The following NALCN variants were observed in gnomAD, a reference collection of about 807,000 sequenced individuals.
NALCN encodes the protein sodium leak channel, non-selective, also known as sodium leak channel NALCN.
NALCN carries 111 observed loss-of-function variants against 225.3 expected under a neutral mutation model. The observed-to-expected ratio is 0.49, with a 90% CI of 0.42 to 0.58. The LOEUF is 0.58. Among genes scored for constraint, NALCN ranks in the 20% least tolerant of loss-of-function variants. The pLI, the probability that NALCN is intolerant of heterozygous loss-of-function variation, is 0.00. For missense variants in NALCN, 1,378 were observed against 2,202.4 expected (o/e 0.63, Z 7.49); for synonymous variants, 764 against 769.0 (o/e 0.99, Z 0.11).
At chr13:101,394,410 A>T (rs1199572536) in intron 3 of NALCN, among the ~76,000 whole-genome samples, 1 of 152,214 alleles carries the variant, frequency 6.6e-6, no homozygotes, top group Non-Finnish European at 1.5e-5. Flanking sequence ...TGATACAACC[A>T]GTAAGTGAAA....
At chr13:101,107,632 G>C in intron 21 of NALCN, 23 bp from the exon 22 acceptor site, 1 of 1,614,064 alleles carries the variant, frequency 6.2e-7, no homozygotes, top group Non-Finnish European at 8.5e-7. Flanking sequence ...ATTCATGGGA[G>C]AATGAGGCTA....
intron 17 of NALCN, among the ~76,000 whole-genome samples, chr13:101,125,871 C>T (rs1020083098): frequency 6.6e-6 from 1 of 152,192 alleles, no homozygotes; most frequent in Non-Finnish European, 1.5e-5. Flanking sequence ...TGTATAAGTG[C>T]TGTGCTAGCC....
At chr13:101,067,807 A>G in intron 39 of NALCN, 111 bp downstream of exon 39, 2 of 760,496 alleles carry the variant, frequency 2.6e-6, no homozygotes, top group South Asian at 1.6e-5. Context: ...GCAATTCACC[A>G]TTTAAAAATT....
chr13:101,240,934 T>A (rs184301865), intron 11 of NALCN, among the ~76,000 whole-genome samples: 19 of 152,358 alleles, frequency 1.2e-4, no homozygotes, highest in African/African-American at 4.3e-4. Context: ...TCACAGTTAC[T>A]GTTTTATGTG....
intron 10 of NALCN, among the ~76,000 whole-genome samples, chr13:101,268,109 G>A (rs866720698): frequency 6.6e-4 from 101 of 152,138 alleles, no homozygotes; most frequent in African/African-American, 2.2e-3. Flanking sequence ...TTGGATGGAG[G>A]CATCAAAAAT....
At chr13:101,302,518 G>A (rs956002603) in intron 7 of NALCN, among the ~76,000 whole-genome samples, 14 of 152,030 alleles carry the variant, frequency 9.2e-5, no homozygotes, top group African/African-American at 3.4e-4. Context: ...AAATAAATGT[G>A]AGATAAGAAA....
chr13:101,252,318 A>G (rs2042085858), intron 11 of NALCN, among the ~76,000 whole-genome samples: 2 of 152,332 alleles, frequency 1.3e-5, no homozygotes, highest in Non-Finnish European at 2.9e-5. Flanking sequence ...TTTTATATCC[A>G]TGTGAAATCT....
chr13:101,250,327 T>G (rs1437787633), intron 11 of NALCN, among the ~76,000 whole-genome samples: 2 of 151,980 alleles, frequency 1.3e-5, no homozygotes, highest in Non-Finnish European at 2.9e-5. Context: ...AAAACAAATC[T>G]GAAGAAGAAT....
At chr13:101,173,224 C>G (rs79402280) in intron 15 of NALCN, among the ~76,000 whole-genome samples, 1 of 152,208 alleles carries the variant, frequency 6.6e-6, no homozygotes. Flanking sequence ...GTCCTTCATT[C>G]TAACAGTTAC....
chr13:101,320,199 G>A (rs1488448987), intron 7 of NALCN, among the ~76,000 whole-genome samples: 2 of 152,178 alleles, frequency 1.3e-5, no homozygotes, highest in East Asian at 3.8e-4. Context: ...AGTCTTACAC[G>A]TATGCGACAA....
intron 7 of NALCN, among the ~76,000 whole-genome samples, chr13:101,311,574 T>G (rs1157394322): frequency 1.3e-5 from 2 of 152,044 alleles, no homozygotes; most frequent in Non-Finnish European, 2.9e-5. Context: ...CATGAAGGGC[T>G]GTTGAATTTT....
intron 22 of NALCN, among the ~76,000 whole-genome samples, chr13:101,106,268 TTCC>T (rs2035094122): frequency 6.6e-6 from 1 of 152,200 alleles, no homozygotes; most frequent in Admixed American, 6.5e-5. Context: ...CTGTTTAAAA[TTCC>T]TATTTCCAAA....
At chr13:101,284,628 T>C (rs1470730041) in intron 9 of NALCN, among the ~76,000 whole-genome samples, 1 of 152,206 alleles carries the variant, frequency 6.6e-6, no homozygotes, top group African/African-American at 2.4e-5. Context: ...TGTGTAATTA[T>C]TTTAACTAGG....
Position 101,153,586 on chromosome 13 carries a change from A to G in NALCN, c.1840-8690T>C, listed in dbSNP as rs74116705. On this transcript the variant is annotated intron_variant, in intron 15 of 43. Coordinates refer to ENST00000251127, the MANE Select transcript of NALCN (RefSeq NM_052867.4). ...TCAAAGAGATGCTTACAGCACCATT[A>G]TATCGCTTCCCACCCCTCTTCCAGC... Among the ~76,000 whole-genome samples the G allele has an allele frequency of 8.6e-3, 1,302 of 152,266 alleles. 18 individuals are homozygous for G. Among genetic ancestry groups the G allele is most frequent in the African/African-American group, 0.03 (1,243 of 41,548 alleles).
intron 7 of NALCN, among the ~76,000 whole-genome samples, chr13:101,295,992 C>A (rs2043739476): frequency 6.6e-6 from 1 of 152,220 alleles, no homozygotes; most frequent in African/African-American, 2.4e-5. Context: ...ACTGAAACTT[C>A]TTTTGCACAG....
chr13:101,368,542 T>G (rs1186557420), intron 6 of NALCN: 1 of 152,156 alleles, frequency 6.6e-6, no homozygotes, highest in East Asian at 1.9e-4. Flanking sequence ...GTTTAAAAAT[T>G]TTCAAATCAA....
chr13:101,251,584 T>C (rs2042064697), intron 11 of NALCN, among the ~76,000 whole-genome samples: 1 of 151,976 alleles, frequency 6.6e-6, no homozygotes, highest in Non-Finnish European at 1.5e-5. Context: ...ACTTTCTAAT[T>C]AAGAAGGAAA....
rs368331200 is a variant in NALCN, at chr13:101,055,283, A to C, written c.*12T>G. ...TTTCCACCACTAGAAATTCATCTAC[A>C]TTGACATCCACCTAAATATCCAGAA... On this transcript the variant is annotated 3_prime_UTR_variant, in exon 44 of 44. Transcript: ENST00000251127. 1.2e-6 allele frequency: 2 copies of C among 1,606,768 alleles called. No homozygotes were observed. Among genetic ancestry groups the C allele is most frequent in the African/African-American group, 1.3e-5 (1 of 74,720 alleles).
chr13:101,214,765 G>T (rs141934162), intron 13 of NALCN, among the ~76,000 whole-genome samples: 2 of 152,200 alleles, frequency 1.3e-5, no homozygotes, highest in African/African-American at 4.8e-5. Context: ...TTGAAAGGAG[G>T]AGACTGCTGA....
Sources: allele counts gnomAD v4.1 joint callset (sites outside exome capture counted in the v4.1 genomes callset), GRCh38; gene constraint gnomAD v4.1.1; transcripts MANE v1.5; gene names NCBI Gene and HGNC (gene_info 2026-07-23, HGNC 2026-07-21).